DYTN: variants seen among roughly 807,000 people sequenced by gnomAD.
The protein encoded by DYTN is dystrotelin.
In DYTN, 75 loss-of-function variants were observed where a neutral mutation model predicts 69.6. That is an observed-to-expected ratio of 1.08 (90% confidence interval 0.89 to 1.31). The LOEUF is 1.31. DYTN is among the 50% of genes most tolerant of loss of function. The pLI is 0.00. For missense variants in DYTN, 726 were observed against 688.4 expected, an observed-to-expected ratio of 1.05 and a Z score of -0.61; for synonymous variants, 252 against 249.1, an observed-to-expected ratio of 1.01 and a Z score of -0.11.
intron 5 of DYTN, among the ~76,000 whole-genome samples, 187 bp downstream of exon 5, chr2:206,704,656 C>A (rs1336467846): frequency 1.3e-5 from 2 of 152,052 alleles, no homozygotes; most frequent in African/African-American, 4.8e-5. Context: ...AATTCATAAC[C>A]TTCTACTCAT....
chr2:206,679,640 A>T (rs527701638), intron 9 of DYTN, among the ~76,000 whole-genome samples: 3 of 152,218 alleles, frequency 2.0e-5, no homozygotes, highest in Non-Finnish European at 2.9e-5. Context: ...GTTATGGCAG[A>T]TATAAAACAA....
chr2:206,667,890 G>A (rs1017775898), intron 9 of DYTN, among the ~76,000 whole-genome samples: 1 of 152,194 alleles, frequency 6.6e-6, no homozygotes, highest in African/African-American at 2.4e-5. Flanking sequence ...ACATTTCTCA[G>A]TGTTAGAACC....
intron 9 of DYTN, 114 bp from the exon 10 acceptor site, chr2:206,666,143 T>C (rs1699569571): frequency 8.7e-6 from 12 of 1,378,306 alleles, no homozygotes; most frequent in Middle Eastern, 1.9e-4. Context: ...TGGAAAACCC[T>C]GTGTCTCAAC....
chr2:206,689,257 T>A (rs1384510318), intron 9 of DYTN, among the ~76,000 whole-genome samples: 1 of 152,242 alleles, frequency 6.6e-6, no homozygotes, highest in African/African-American at 2.4e-5. Context: ...GCAGATAGTT[T>A]GCTGAATCAT....
intron 5 of DYTN, among the ~76,000 whole-genome samples, chr2:206,703,755 G>C (rs369550804): frequency 2.6e-5 from 4 of 152,042 alleles, no homozygotes; most frequent in African/African-American, 9.7e-5. Flanking sequence ...CAGAATCCTT[G>C]GTCCAGAACC....
chr2:206,677,594 G>T (rs11900199), intron 9 of DYTN, among the ~76,000 whole-genome samples: 3 of 152,004 alleles, frequency 2.0e-5, no homozygotes, highest in African/African-American at 4.8e-5. Context: ...ATAATCAAAT[G>T]ATGTTAAAAC....
In DYTN at chr2:206,705,674, C is replaced by T. The variant is rs141200822; in HGVS notation, c.382+114G>A. ...AGTAAATATTTTTATTTAATAAACA[C>T]ATAAGTCATGCTGAGTACATGCTGA... On this transcript the variant is annotated intron_variant, in intron 4 of 11. Coordinates refer to ENST00000452335, the MANE Select transcript of DYTN (RefSeq NM_001093730.1). The T allele has an allele frequency of 1.2e-3, 983 of 851,448 alleles. 10 individuals are homozygous for T. The African/African-American group carries it at 0.016, about 14-fold the overall frequency. The allele number at this position is 851,448 out of a possible 1,614,324, so 52.7% of individuals were successfully genotyped here. A position where few individuals can be genotyped will look rare whatever the true frequency, so the allele number is the denominator to read the frequency against.
chr2:206,685,417 C>G (rs1478712764), intron 9 of DYTN, among the ~76,000 whole-genome samples: 2 of 152,132 alleles, frequency 1.3e-5, no homozygotes, highest in African/African-American at 2.4e-5. Flanking sequence ...CCCATTTCTG[C>G]CTCCCAAAGT....
intron 2 of DYTN, among the ~76,000 whole-genome samples, chr2:206,708,002 G>A (rs1481376787): frequency 6.6e-6 from 1 of 152,150 alleles, no homozygotes; most frequent in East Asian, 1.9e-4. Flanking sequence ...ACAAAACAGT[G>A]ATCTTCATAA....
At chr2:206,700,120 C>T in intron 6 of DYTN, 25 bp downstream of exon 6, 1 of 1,613,296 alleles carries the variant, frequency 6.2e-7, no homozygotes, top group Non-Finnish European at 8.5e-7. Context: ...GTCCCCAACT[C>T]CAGGGACATT....
At chr2:206,691,295 C>T (rs1433564730) in intron 9 of DYTN, among the ~76,000 whole-genome samples, 1 of 152,034 alleles carries the variant, frequency 6.6e-6, no homozygotes. Flanking sequence ...TGCCTGTAAT[C>T]CCAGCTGCTC....
chr2:206,697,224 T>C (rs187792400), intron 7 of DYTN, among the ~76,000 whole-genome samples: 42 of 152,326 alleles, frequency 2.8e-4, no homozygotes, highest in South Asian at 4.1e-4. Context: ...TATATGAGAA[T>C]GGTTATTGTG....
chr2:206,685,370 C>T (rs1404441432), intron 9 of DYTN, among the ~76,000 whole-genome samples: 1 of 151,650 alleles, frequency 6.6e-6, no homozygotes, highest in Non-Finnish European at 1.5e-5. Flanking sequence ...TCTATGTTGC[C>T]CAGGCTGGTC....
chr2:206,681,598 T>C (rs1174573903), intron 9 of DYTN, among the ~76,000 whole-genome samples: 1 of 152,160 alleles, frequency 6.6e-6, no homozygotes, highest in African/African-American at 2.4e-5. Context: ...GATGTTGAAT[T>C]TTATTGAAGG....
intron 2 of DYTN, among the ~76,000 whole-genome samples, chr2:206,708,926 A>G (rs1487768860): frequency 6.6e-6 from 1 of 152,200 alleles, no homozygotes; most frequent in Non-Finnish European, 1.5e-5. Context: ...TACGCTACGG[A>G]ACATACTCAG....
intron 5 of DYTN, among the ~76,000 whole-genome samples, chr2:206,700,634 G>A (rs773549059): frequency 1.3e-5 from 2 of 150,520 alleles, no homozygotes; most frequent in African/African-American, 2.4e-5. Context: ...TGGGATACAT[G>A]TGCAGAACGT....
intron 8 of DYTN, 68 bp downstream of exon 8, chr2:206,694,698 T>C (rs1340803243): frequency 2.3e-6 from 3 of 1,316,612 alleles, no homozygotes; most frequent in Non-Finnish European, 3.0e-6. Context: ...GGAGGGAAGG[T>C]TTTTTCATGG....
At chr2:206,691,859 T>C (rs76625018) in intron 9 of DYTN, among the ~76,000 whole-genome samples, 2,268 of 152,300 alleles carry the variant, frequency 0.015, 44 homozygotes, top group African/African-American at 0.052. Context: ...TGCTGCTGGA[T>C]GTCTGAGAAA....
chr2:206,689,351 T>A (rs1272622538), intron 9 of DYTN, among the ~76,000 whole-genome samples: 1 of 152,224 alleles, frequency 6.6e-6, no homozygotes, highest in Non-Finnish European at 1.5e-5. Flanking sequence ...ATAATAGATA[T>A]CAAAGATGTG....
Sources: allele counts gnomAD v4.1 joint callset (sites outside exome capture counted in the v4.1 genomes callset), GRCh38; gene constraint gnomAD v4.1.1; transcripts MANE v1.5; gene names NCBI Gene and HGNC (gene_info 2026-07-23, HGNC 2026-07-21).